TUBA1C: variants seen among roughly 807,000 people sequenced by gnomAD.
The protein encoded by TUBA1C is tubulin alpha-1C chain.
Under a neutral mutation model 34.9 loss-of-function variants are expected in TUBA1C, and 16 were observed. The observed-to-expected ratio is 0.46, with a 90% CI of 0.31 to 0.70. TUBA1C has a LOEUF of 0.70. Among genes scored for constraint, TUBA1C ranks in the 30% least tolerant of loss-of-function variants. TUBA1C has a pLI of 0.05. For missense variants in TUBA1C, 329 were observed against 587.3 expected, an observed-to-expected ratio of 0.56 and a Z score of 4.55; for synonymous variants, 177 against 215.9, an observed-to-expected ratio of 0.82 and a Z score of 1.58.
At chr12:49,269,293 C>A (rs1942956513) in intron 1 of TUBA1C, among the ~76,000 whole-genome samples, 172 bp from the exon 2 acceptor site, 1 of 152,124 alleles carries the variant, frequency 6.6e-6, no homozygotes, top group East Asian at 1.9e-4. Flanking sequence ...AAACTCCTGA[C>A]CTCAGGTGAT....
intron 1 of TUBA1C, among the ~76,000 whole-genome samples, chr12:49,247,516 G>T (rs1942683276): frequency 6.6e-6 from 1 of 151,742 alleles, no homozygotes; most frequent in South Asian, 2.1e-4. Context: ...ACACAGGAGA[G>T]TTGCTTGAAC....
At chr12:49,270,529 T>C (rs1167390553) in intron 3 of TUBA1C, among the ~76,000 whole-genome samples, 1 of 152,222 alleles carries the variant, frequency 6.6e-6, no homozygotes, top group South Asian at 2.1e-4. Flanking sequence ...AGCATGATGG[T>C]CTGGGCAGAG....
chr12:49,262,653 G>A (rs530095511), upstream of TUBA1C, among the ~76,000 whole-genome samples: 38 of 151,906 alleles, frequency 2.5e-4, no homozygotes, highest in South Asian at 7.7e-3. Flanking sequence ...GGTGGCACAT[G>A]CCTGTAACCC....
At chr12:49,229,696 T>TGTGC (rs1327266810) in intron 1 of TUBA1C, among the ~76,000 whole-genome samples, 11 of 151,840 alleles carry the variant, frequency 7.2e-5, no homozygotes, top group African/African-American at 2.7e-4. Context: ...TGTGTGTGTG[T>TGTGC]GCACATCACA....
intron 1 of TUBA1C, among the ~76,000 whole-genome samples, chr12:49,258,629 T>C (rs956840085): frequency 1.3e-5 from 2 of 151,782 alleles, no homozygotes; most frequent in African/African-American, 4.8e-5. Context: ...GGTTTCGCCA[T>C]GTTGGTCAGG....
chr12:49,243,055 G>A (rs1279720549), intron 1 of TUBA1C, among the ~76,000 whole-genome samples: 1 of 152,172 alleles, frequency 6.6e-6, no homozygotes, highest in Admixed American at 6.6e-5. Context: ...TAATCTGCCT[G>A]CCTCAGCCTC....
rs367819069 is a variant in TUBA1C at position 49,269,809 on chromosome 12, C to T, written c.227-19C>T. Reference sequence around the variant, plus strand: ...CCCGCTCCTTGTCCCTCCTCCTCCTCCCCCATCATGTTCTCCAGATGAAGT... The same window carrying T: ...CCCGCTCCTTGTCCCTCCTCCTCCTTCCCCATCATGTTCTCCAGATGAAGT... On this transcript the variant is annotated intron_variant, in intron 2 of 3. Coordinates refer to ENST00000301072, the MANE Select transcript of TUBA1C (RefSeq NM_032704.5). 178 of 1,613,782 alleles carry T rather than the reference C, an allele frequency of 1.1e-4. No individual in the cohort carries two copies. In the African/African-American group the frequency reaches 1.9e-3, roughly 17 times the overall value.
Position 49,265,108 on chromosome 12 carries a change from A to T in TUBA1C, c.-74A>T. On this transcript the variant is annotated 5_prime_UTR_variant, in exon 1 of 4. Coordinates refer to ENST00000301072, the MANE Select transcript of TUBA1C (RefSeq NM_032704.5). ...CTACTTCTCCCCCGGACTCCTTGGTAGTCTGTTAGTGGGAGATCCTTGTTG... is the reference window on the plus strand; with the variant it reads ...CTACTTCTCCCCCGGACTCCTTGGTTGTCTGTTAGTGGGAGATCCTTGTTG... 3 of 1,549,274 alleles carry T rather than the reference A, an allele frequency of 1.9e-6. No homozygotes were observed. The South Asian group carries it at 3.7e-5, about 19-fold the overall frequency.
At chr12:49,234,928 C>T (rs1026785563) in intron 1 of TUBA1C, among the ~76,000 whole-genome samples, 1 of 152,108 alleles carries the variant, frequency 6.6e-6, no homozygotes, top group Non-Finnish European at 1.5e-5. Context: ...AGCGATTCTC[C>T]TGCCTCAGAC....
chr12:49,243,382 A>T (rs1942637305), intron 1 of TUBA1C, among the ~76,000 whole-genome samples: 1 of 152,132 alleles, frequency 6.6e-6, no homozygotes, highest in Non-Finnish European at 1.5e-5. Context: ...CAGAGGTTGC[A>T]GTGAGCCAAG....
intron 1 of TUBA1C, among the ~76,000 whole-genome samples, chr12:49,243,620 T>G (rs1942640077): frequency 6.6e-6 from 1 of 152,116 alleles, no homozygotes; most frequent in Admixed American, 6.6e-5. Context: ...TTTATCTATT[T>G]ATTTATTTTG....
At chr12:49,263,998 A>T (rs955345907), upstream of TUBA1C, among the ~76,000 whole-genome samples, 2 of 152,012 alleles carry the variant, frequency 1.3e-5, no homozygotes, top group Non-Finnish European at 2.9e-5. Context: ...AGGCGGGCGG[A>T]TCACGAGGTC....
At chr12:49,255,918 G>A (rs1347052201) in intron 1 of TUBA1C, among the ~76,000 whole-genome samples, 1 of 152,182 alleles carries the variant, frequency 6.6e-6, no homozygotes, top group African/African-American at 2.4e-5. Context: ...AGGGCGTGGT[G>A]GCTGACATCT....
intron 3 of TUBA1C, 27 bp downstream of exon 3, chr12:49,270,003 G>A (rs1942970089): frequency 1.2e-6 from 2 of 1,614,040 alleles, no homozygotes; most frequent in Non-Finnish European, 1.7e-6. Flanking sequence ...AAATAAAGTG[G>A]GATGAGAGTT....
At position 49,272,241 on chromosome 12, in the gene TUBA1C, T is replaced by G. The variant is rs371686692; in HGVS notation, c.376-12T>G. On this transcript the variant is annotated splice_polypyrimidine_tract_variant and intron_variant, in intron 3 of 3. Transcript: ENST00000301072. The stretch of plus-strand genomic sequence containing the variant: ...TTTCGCAACACTAAAATGAAACTTT[T>G]TTATTTTGCAGGCTGACCAGTGCAC... 112 of 1,580,896 alleles carry G rather than the reference T, an allele frequency of 7.1e-5. No homozygotes were observed. The highest frequency in any genetic ancestry group is 2.3e-4 in the Admixed American group (12 of 52,238).
chr12:49,250,862 T>C (rs1276903965), intron 1 of TUBA1C, among the ~76,000 whole-genome samples: 1 of 151,668 alleles, frequency 6.6e-6, no homozygotes, highest in Non-Finnish European at 1.5e-5. Flanking sequence ...CAAGAAGAAA[T>C]AGGATATCCA....
In TUBA1C at chr12:49,256,992, C is replaced by T. The variant is rs188869053; in HGVS notation, c.214-12473C>T. 6.1e-3 allele frequency among the ~76,000 whole-genome samples: 919 copies of T among 151,764 alleles called. 20 individuals are homozygous for T. The highest frequency in any genetic ancestry group is 4.8e-3 in the Non-Finnish European group (328 of 67,926). On this transcript the variant is annotated intron_variant, in intron 1 of 3. Transcript: ENST00000541364. ...ATCAGGAGTTTGAGACCAGCCTGGC[C>T]AACATGATGAAACCCCGTCTCTACT... is the stretch of plus-strand genomic sequence containing the variant.
chr12:49,231,057 G>A (rs1942491848), intron 1 of TUBA1C, among the ~76,000 whole-genome samples: 5 of 152,214 alleles, frequency 3.3e-5, no homozygotes, highest in African/African-American at 7.2e-5. Context: ...CTCCACTTCT[G>A]TTTTCTGGCT....
Position 49,269,558 on chromosome 12 carries a change from G to C in TUBA1C, c.97G>C (p.Asp33His). 5 of 1,614,206 alleles carry C rather than the reference G, an allele frequency of 3.1e-6. No individual in the cohort carries two copies. Among genetic ancestry groups the C allele is most frequent in the Non-Finnish European group, 4.2e-6 (5 of 1,180,030 alleles). The change falls in exon 2 of 4, where the codon GAT becomes CAT. Residue 33 changes from aspartate (D) to histidine (H), a missense_variant. Asp to His is a moderately conservative substitution (Grantham distance 81, BLOSUM62 -1). Coordinates refer to ENST00000301072, the MANE Select transcript of TUBA1C (RefSeq NM_032704.5). ...CTGCCTGGAACACGGCATCCAGCCCGATGGCCAGATGCCAAGTGACAAGAC... is the reference window on the plus strand; with the variant it reads ...CTGCCTGGAACACGGCATCCAGCCCCATGGCCAGATGCCAAGTGACAAGAC... ...LYCLEHGIQP[D>H]GQMPSDKTIG...
Sources: gnomAD v4.1 joint callset for allele counts (sites outside exome capture counted in the v4.1 genomes callset) on GRCh38, gnomAD v4.1.1 for gene constraint, MANE v1.5 for transcripts, NCBI Gene and HGNC (gene_info 2026-07-23, HGNC 2026-07-21) for gene names.